The following ST14 variants were observed in gnomAD, a reference collection of about 807,000 sequenced individuals.
ST14 encodes suppressor of tumorigenicity 14 protein.
Under a neutral mutation model 96.5 loss-of-function variants are expected in ST14, and 40 were observed. The ratio of observed to expected loss-of-function variants is 0.41; its 90% CI spans 0.32 to 0.54. ST14 has a LOEUF of 0.54. Among genes scored for constraint, ST14 ranks in the 20% least tolerant of loss-of-function variants. ST14 has a pLI of 0.17. For missense variants in ST14, 1,066 were observed against 1,188.9 expected, an observed-to-expected ratio of 0.90 and a Z score of 1.52; for synonymous variants, 506 against 492.1, an observed-to-expected ratio of 1.03 and a Z score of -0.37.
At chr11:130,191,679 G>T (rs972926749) in intron 7 of ST14, among the ~76,000 whole-genome samples, 2 of 124,038 alleles carry the variant, frequency 1.6e-5, no homozygotes, top group Non-Finnish European at 3.2e-5. Flanking sequence ...AACAGAGCGA[G>T]ACTCTGTCTC....
chr11:130,199,405 G>A (rs973417223), intron 15 of ST14, among the ~76,000 whole-genome samples: 20 of 152,184 alleles, frequency 1.3e-4, no homozygotes, highest in African/African-American at 4.8e-4. Flanking sequence ...GCTCACCCAA[G>A]CCCAAGGCAG....
chr11:130,208,591 A>T lies in ST14; in HGVS notation c.2176A>T (p.Met726Leu). ...GGAGAAACCGGCAGAGTACAGCTCC[A>T]TGGTGCGGCCCATCTGCCTGCCGGA... ...ELEKPAEYSSMVRPICLPDAS... is the reference protein window; with the variant it reads ...ELEKPAEYSSLVRPICLPDAS... The change falls in exon 17 of 19, where the codon ATG becomes TTG. Residue 726 changes from methionine to leucine, a missense_variant. Met to Leu is a conservative substitution (Grantham distance 15). Coordinates refer to ENST00000278742, the MANE Select transcript of ST14 (RefSeq NM_021978.4). 2 of 1,614,174 alleles carry T rather than the reference A, an allele frequency of 1.2e-6. No individual in the cohort carries two copies. Among genetic ancestry groups the T allele is most frequent in the Non-Finnish European group, 1.7e-6 (2 of 1,180,030 alleles).
At chr11:130,197,816 G>A in intron 11 of ST14, 25 bp from the exon 12 acceptor site, 1 of 1,534,222 alleles carries the variant, frequency 6.5e-7, no homozygotes, top group East Asian at 2.4e-5. Flanking sequence ...GGTGCTGGGG[G>A]CCTCAGGCCT....
In ST14 at chr11:130,194,684, C is replaced by G; in HGVS notation, c.1060C>G (p.Pro354Ala). The change falls in exon 9 of 19, where the codon CCC becomes GCC. Residue 354 changes from proline (P) to alanine (A), a missense_variant. By Grantham distance (27) the Pro-to-Ala change is conservative. Transcript: ENST00000278742. ...LRKAQGTFNS[P>A]YYPGHYPPNI... Reference sequence around the variant, plus strand: ...TAAAGCCCAGGGGACATTCAACAGCCCCTACTACCCAGGCCACTACCCACC... The same window carrying G: ...TAAAGCCCAGGGGACATTCAACAGCGCCTACTACCCAGGCCACTACCCACC... 1 of 1,614,186 alleles carries G rather than the reference C, an allele frequency of 6.2e-7. No homozygotes were observed. The highest frequency in any genetic ancestry group is 8.5e-7 in the Non-Finnish European group (1 of 1,180,030).
At chr11:130,169,935 G>A (rs1953075343) in intron 1 of ST14, among the ~76,000 whole-genome samples, 1 of 152,188 alleles carries the variant, frequency 6.6e-6, no homozygotes, top group Non-Finnish European at 1.5e-5. Context: ...AGATGCTTCT[G>A]CTCTGAGTCC....
At position 130,189,607 on chromosome 11, in the gene ST14, G is replaced by C. The variant is rs143621465; in HGVS notation, c.441-132G>C. On this transcript the variant is annotated intron_variant, in intron 4 of 18. Coordinates refer to ENST00000278742, the MANE Select transcript of ST14 (RefSeq NM_021978.4). ...TGGAAAGAGGGATGACACAAGAGGA[G>C]CTGGGGAAGGGCCTCTGCAGATGGC... The C allele has an allele frequency of 2.9e-3, 3,422 of 1,180,350 alleles. 81 individuals are homozygous for C. In the African/African-American group the frequency reaches 0.046, roughly 16 times the overall value. The allele number at this position is 1,180,350 out of a possible 1,614,324, so 73.1% of individuals were successfully genotyped here.
chr11:130,172,848 A>G (rs542207992), intron 1 of ST14, among the ~76,000 whole-genome samples: 12 of 152,318 alleles, frequency 7.9e-5, no homozygotes, highest in African/African-American at 2.9e-4. Context: ...GACAAAGTGA[A>G]ACATAAGATG....
rs554148538 is a variant in ST14 at position 130,164,082 on chromosome 11, C to T, written c.81+4022C>T. The stretch of plus-strand genomic sequence containing the variant: ...GCTCCTTCTCTGGTCTGTGGTTCTG[C>T]CAAGGCTGGTGGCTCATGTCTCTTT... On this transcript the variant is annotated intron_variant, in intron 1 of 18. Coordinates refer to ENST00000278742, the MANE Select transcript of ST14 (RefSeq NM_021978.4). 3.3e-5 allele frequency among the ~76,000 whole-genome samples: 5 copies of T among 152,298 alleles called. No homozygotes were observed. In the East Asian group the frequency reaches 9.6e-4, roughly 29 times the overall value.
chr11:130,209,460 T>C lies in ST14; in HGVS notation c.2288T>C (p.Leu763Pro), dbSNP rs964356640. The change falls in exon 18 of 19, where the codon CTG (leucine) becomes CCG (proline). Residue 763 changes from leucine to proline, a missense_variant. Transcript: ENST00000278742. ...TCCCCAGGCACTGGCGCGCTGATCC[T>C]GCAAAAGGGTGAGATCCGCGTCATC... Reference protein sequence around the residue: ...TQYGGTGALILQKGEIRVINQ... With the variant: ...TQYGGTGALIPQKGEIRVINQ... 3 of 1,585,588 alleles carry C rather than the reference T, an allele frequency of 1.9e-6. No individual in the cohort carries two copies. In the African/African-American group the frequency reaches 4.0e-5, roughly 21 times the overall value.
Position 130,196,557 on chromosome 11 carries a change from G to GCC in ST14, c.1224-7_1224-6dup, listed in dbSNP as rs11368852. On this transcript the variant is annotated splice_polypyrimidine_tract_variant and intron_variant, in intron 10 of 18. Coordinates refer to ENST00000278742, the MANE Select transcript of ST14 (RefSeq NM_021978.4). ...GCTGTCCCTCCTCACCTTGTGCCCC[G>GCC]CCCCCCCTCCAGATACTGCGGAGAG... 607 of 1,607,508 alleles carry GCC rather than the reference G, an allele frequency of 3.8e-4. 1 individual carries two copies. Among genetic ancestry groups the GCC allele is most frequent in the African/African-American group, 4.4e-4 (33 of 74,416 alleles).
intron 16 of ST14, among the ~76,000 whole-genome samples, chr11:130,206,773 G>T (rs1425847083): frequency 3.9e-5 from 6 of 152,036 alleles, no homozygotes; most frequent in Admixed American, 3.3e-4. Context: ...TCACCATGCT[G>T]GCCAGGCTGG....
At chr11:130,164,058 C>T (rs1953023053) in intron 1 of ST14, among the ~76,000 whole-genome samples, 1 of 152,198 alleles carries the variant, frequency 6.6e-6, no homozygotes, top group Non-Finnish European at 1.5e-5. Context: ...CTGATGTCTG[C>T]TCCTTCTCTG....
intron 14 of ST14, 103 bp downstream of exon 14, chr11:130,198,724 A>G: frequency 7.5e-7 from 1 of 1,341,976 alleles, no homozygotes; most frequent in South Asian, 1.2e-5. Context: ...ATGAACACAA[A>G]CCACCTGTGT....
intron 1 of ST14, among the ~76,000 whole-genome samples, chr11:130,169,153 G>T (rs544544734): frequency 8.4e-5 from 12 of 143,152 alleles, no homozygotes; most frequent in African/African-American, 3.2e-4. Flanking sequence ...GGAGTACAGC[G>T]GTGTGATCTG....
At chr11:130,176,972 G>A (rs1310256975) in intron 1 of ST14, among the ~76,000 whole-genome samples, 2 of 150,142 alleles carry the variant, frequency 1.3e-5, no homozygotes, top group Admixed American at 1.3e-4. Flanking sequence ...CTAATTTTTT[G>A]TATTTTTAGT....
At chr11:130,198,795 G>T (rs558956477) in intron 14 of ST14, 152 bp from the exon 15 acceptor site, 1 of 1,517,576 alleles carries the variant, frequency 6.6e-7, no homozygotes, top group East Asian at 2.3e-5. Flanking sequence ...TGGAGAACCT[G>T]TAGCAGGGCA....
chr11:130,208,063 G>T (rs1211337221), intron 16 of ST14, among the ~76,000 whole-genome samples: 2 of 150,248 alleles, frequency 1.3e-5, no homozygotes, highest in Non-Finnish European at 3.0e-5. Context: ...GACAGAGCGA[G>T]ACTCAGTCTC....
At chr11:130,190,382 G>T in intron 6 of ST14, 72 bp from the exon 7 acceptor site, 1 of 1,594,822 alleles carries the variant, frequency 6.3e-7, no homozygotes, top group African/African-American at 1.3e-5. Context: ...ACACCCACGG[G>T]GTCTCAGGGT....
At chr11:130,171,793 A>G (rs562892195) in intron 1 of ST14, among the ~76,000 whole-genome samples, 33 of 152,378 alleles carry the variant, frequency 2.2e-4, no homozygotes, top group Admixed American at 4.6e-4. Flanking sequence ...CAACATTGCA[A>G]GCCATACATA....
Sources: allele counts gnomAD v4.1 joint callset (sites outside exome capture counted in the v4.1 genomes callset), GRCh38; gene constraint gnomAD v4.1.1; transcripts MANE v1.5; gene names NCBI Gene and HGNC (gene_info 2026-07-23, HGNC 2026-07-21).